The following EPHA5 variants were observed in gnomAD, a reference collection of about 807,000 sequenced individuals.
EPHA5 encodes the protein ephrin type-A receptor 5.
EPHA5 carries 60 observed loss-of-function variants against 105.0 expected under a neutral mutation model. The observed-to-expected ratio is 0.57, with a 90% CI of 0.46 to 0.71. The LOEUF (loss-of-function observed/expected upper bound fraction) is 0.71. Among genes scored for constraint, EPHA5 ranks in the 30% least tolerant of loss-of-function variants. EPHA5 has a pLI of 0.00. For missense variants in EPHA5, 1,218 were observed against 1,274.7 expected (o/e 0.96, Z 0.68); for synonymous variants, 513 against 449.1 (o/e 1.14, Z -1.80).
At chr4:65,663,891 C>G (rs1169083205) in intron 1 of EPHA5, among the ~76,000 whole-genome samples, 1 of 151,888 alleles carries the variant, frequency 6.6e-6, no homozygotes, top group East Asian at 1.9e-4. Context: ...TGTGGAAATA[C>G]CCATTTCACA....
intron 5 of EPHA5, among the ~76,000 whole-genome samples, chr4:65,425,254 G>C (rs547757557): frequency 1.3e-5 from 2 of 152,148 alleles, no homozygotes; most frequent in African/African-American, 4.8e-5. Flanking sequence ...TAAACACAAG[G>C]TTTAAAAATA....
chr4:65,511,975 T>A (rs1268176803), intron 3 of EPHA5, among the ~76,000 whole-genome samples: 1 of 152,110 alleles, frequency 6.6e-6, no homozygotes, highest in Non-Finnish European at 1.5e-5. Context: ...GAAAAAAAAT[T>A]CCAAAGTTTA....
intron 1 of EPHA5, among the ~76,000 whole-genome samples, chr4:65,668,836 G>T (rs1017115773): frequency 1.5e-4 from 23 of 151,942 alleles, no homozygotes; most frequent in African/African-American, 5.6e-4. Flanking sequence ...CTTCCTAGCA[G>T]CGACACTCCC....
chr4:65,401,904 T>A (rs565234139), intron 8 of EPHA5, among the ~76,000 whole-genome samples: 29 of 148,672 alleles, frequency 2.0e-4, no homozygotes, highest in Non-Finnish European at 3.4e-4. Context: ...TGTGTGTGTG[T>A]GAGAGAGAGA....
Position 65,602,148 on chromosome 4 carries a change from G to T in EPHA5, c.403C>A (p.Arg135=). 13 of 1,614,024 alleles carry T rather than the reference G, an allele frequency of 8.1e-6. No homozygotes were observed. The highest frequency in any genetic ancestry group is 1.0e-5 in the Non-Finnish European group (12 of 1,180,014). The change falls in exon 3 of 17, where the codon CGG becomes AGG. Residue 135 remains arginine (R), a synonymous_variant. Transcript: ENST00000613740. ...CCTCCAGGAAGGCTGTTGCAGTCCC[G>T]CAGGGTAAATTTGAGTTCTATGAAG... The part of the protein sequence containing the change: ...RIFIELKFTL[R]DCNSLPGGLG...
chr4:65,512,959 T>C (rs1384103945), intron 3 of EPHA5, among the ~76,000 whole-genome samples: 1 of 152,144 alleles, frequency 6.6e-6, no homozygotes, highest in Non-Finnish European at 1.5e-5. Flanking sequence ...AGATGCGTGA[T>C]GGCTTTACTA....
chr4:65,507,953 G>C (rs371043857), intron 3 of EPHA5, among the ~76,000 whole-genome samples: 18 of 151,990 alleles, frequency 1.2e-4, no homozygotes, highest in East Asian at 3.9e-4. Flanking sequence ...TCTCAATATA[G>C]GCAAGCATAA....
At position 65,431,087 on chromosome 4, in the gene EPHA5, C is replaced by A. The variant is rs79362375; in HGVS notation, c.1403-10522G>T. ...GAAATATCTCTACATACTCCTATAC[C>A]GATGCAACTTGAAAATTGTCTTCTG... is the stretch of plus-strand genomic sequence containing the variant. On this transcript the variant is annotated intron_variant, in intron 5 of 16. Coordinates refer to ENST00000613740, the MANE Select transcript of EPHA5 (RefSeq NM_001281766.3). Among the ~76,000 whole-genome samples the A allele has an allele frequency of 5.5e-4, 84 of 152,112 alleles. 3 individuals carry two copies. The East Asian group carries it at 0.016, about 29-fold the overall frequency.
At chr4:65,653,776 A>C (rs1356444563) in intron 1 of EPHA5, among the ~76,000 whole-genome samples, 1 of 152,136 alleles carries the variant, frequency 6.6e-6, no homozygotes, top group Non-Finnish European at 1.5e-5. Flanking sequence ...TTAAAATAAA[A>C]GTACTTTCAT....
At chr4:65,383,243 A>T (rs889465438) in intron 8 of EPHA5, among the ~76,000 whole-genome samples, 2 of 150,884 alleles carry the variant, frequency 1.3e-5, no homozygotes, top group African/African-American at 2.4e-5. Flanking sequence ...ACACACACAC[A>T]CACATATACA....
chr4:65,588,820 C>A (rs1742365620), intron 3 of EPHA5, among the ~76,000 whole-genome samples: 1 of 152,064 alleles, frequency 6.6e-6, no homozygotes, highest in Admixed American at 6.6e-5. Flanking sequence ...CGGACGGTAC[C>A]AGGTTGAGTG....
chr4:65,468,530 C>T (rs1304908761), intron 5 of EPHA5, among the ~76,000 whole-genome samples: 1 of 132,976 alleles, frequency 7.5e-6, no homozygotes, highest in Non-Finnish European at 1.6e-5. Context: ...TACAGACACA[C>T]ACCTTTATAT....
Position 65,518,604 on chromosome 4 carries a change from T to C in EPHA5, c.911-23061A>G, listed in dbSNP as rs1039406514. Among the ~76,000 whole-genome samples, 15 of 152,168 alleles carry C rather than the reference T, an allele frequency of 9.9e-5. No individual in the cohort carries two copies. In the East Asian group the frequency reaches 2.5e-3, roughly 25 times the overall value. On this transcript the variant is annotated intron_variant, in intron 3 of 16. Transcript: ENST00000613740. ...CAAAATCTGGTTTTAACTAGCCTAG[T>C]TTGACATGCATAGATTAAATTTATC...
chr4:65,582,326 T>C (rs2149399696), intron 3 of EPHA5, among the ~76,000 whole-genome samples: 1 of 151,746 alleles, frequency 6.6e-6, no homozygotes, highest in Admixed American at 6.6e-5. Flanking sequence ...ACTTTCCATT[T>C]TAAATTTTAG....
chr4:65,334,708 T>C (rs966029777), intron 15 of EPHA5, among the ~76,000 whole-genome samples: 1 of 152,048 alleles, frequency 6.6e-6, no homozygotes, highest in African/African-American at 2.4e-5. Context: ...GAATCCTATA[T>C]ACTGCATACA....
At chr4:65,666,791 A>G (rs1203124156) in intron 1 of EPHA5, among the ~76,000 whole-genome samples, 1 of 152,190 alleles carries the variant, frequency 6.6e-6, no homozygotes, top group Non-Finnish European at 1.5e-5. Context: ...AAACATGCCA[A>G]ATAAACACAT....
In EPHA5 at chr4:65,669,572, G is replaced by A. The variant is rs775055989; in HGVS notation, c.171C>T (p.Pro57=). The change falls in exon 1 of 17, where the codon CCC becomes CCT. Residue 57 remains proline (P), a synonymous_variant. Coordinates refer to ENST00000613740, the MANE Select transcript of EPHA5 (RefSeq NM_001281766.3). ...CCCCCATCTCCCTACCTTCGTTGCT[G>A]GGGCTGGCCAGGAGGGTCCGGAGTG... ...CAALRTLLAS[P]SNEVNLLDSR... 5 of 1,403,836 alleles carry A rather than the reference G, an allele frequency of 3.6e-6. No individual in the cohort carries two copies. The East Asian group carries it at 1.1e-4, about 31-fold the overall frequency. 87.0% of individuals were successfully genotyped at this position (1,403,836 alleles called of 1,614,324 possible).
chr4:65,478,015 C>T (rs1389236509), intron 5 of EPHA5, among the ~76,000 whole-genome samples: 2 of 152,100 alleles, frequency 1.3e-5, no homozygotes, highest in South Asian at 2.1e-4. Context: ...CAACCATAAT[C>T]GTTATTGAAT....
intron 3 of EPHA5, among the ~76,000 whole-genome samples, chr4:65,517,275 T>A (rs763000807): frequency 1.5e-4 from 23 of 151,926 alleles, no homozygotes; most frequent in Non-Finnish European, 3.2e-4. Flanking sequence ...TATTAATAAC[T>A]GCCAACAGAG....
Sources: allele counts gnomAD v4.1 joint callset (sites outside exome capture counted in the v4.1 genomes callset), GRCh38; gene constraint gnomAD v4.1.1; transcripts MANE v1.5; gene names NCBI Gene and HGNC (gene_info 2026-07-23, HGNC 2026-07-21).